MTG2: variants seen among roughly 807,000 people sequenced by gnomAD.
MTG2 encodes the protein mitochondrial ribosome associated GTPase 2.
In MTG2, 23 loss-of-function variants were observed where a neutral mutation model predicts 28.6. The observed-to-expected ratio is 0.80, with a 90% confidence interval of 0.58 to 1.14. The LOEUF (loss-of-function observed/expected upper bound fraction) is 1.14, where lower values mean the gene tolerates loss of function less well. Ranked by LOEUF, MTG2 falls within the 50% of genes most tolerant of loss-of-function variation. The pLI is 0.00. For synonymous variants in MTG2, 260 were observed against 251.8 expected (o/e 1.03, Z -0.31); for missense variants, 539 against 552.0 (o/e 0.98, Z 0.24).
chr20:62,185,656 C>CT (rs1351511372), intron 1 of MTG2, among the ~76,000 whole-genome samples: 2 of 152,032 alleles, frequency 1.3e-5, no homozygotes, highest in African/African-American at 4.8e-5. Flanking sequence ...AAAAACCTTT[C>CT]TGTGATGAGG....
chr20:62,198,046 C>T (rs564083574), intron 4 of MTG2, 79 bp downstream of exon 4: 37 of 1,284,466 alleles, frequency 2.9e-5, no homozygotes, highest in Admixed American at 2.8e-4. Flanking sequence ...GTGTGACCCA[C>T]GGGGCCCCTG....
chr20:62,184,231 G>C (rs529881383), intron 1 of MTG2, among the ~76,000 whole-genome samples: 36 of 152,142 alleles, frequency 2.4e-4, no homozygotes, highest in Admixed American at 8.5e-4. Flanking sequence ...GGTGGCAGGC[G>C]CCTGTAATCC....
Position 62,192,603 on chromosome 20 carries a change from G to A in MTG2, c.-5-813G>A, listed in dbSNP as rs530635274. ...GGCCGAAAGGTCCAGGCTTCTCATC[G>A]TGGCTTGGTCTTTATGATGACCAGC... is the stretch of plus-strand genomic sequence containing the variant. On this transcript the variant is annotated intron_variant, in intron 1 of 6. Transcript: ENST00000370823. 5.3e-5 allele frequency among the ~76,000 whole-genome samples: 8 copies of A among 152,188 alleles called. No individual in the cohort carries two copies. The East Asian group carries it at 1.5e-3, about 29-fold the overall frequency.
At chr20:62,187,955 C>T (rs78179934) in intron 1 of MTG2, among the ~76,000 whole-genome samples, 6,654 of 152,084 alleles carry the variant, frequency 0.044, 288 homozygotes, top group African/African-American at 0.11. Context: ...TCCTTCTAAA[C>T]ACTACTCTAG....
At chr20:62,184,627 G>C (rs181827348) in intron 1 of MTG2, among the ~76,000 whole-genome samples, 1 of 152,098 alleles carries the variant, frequency 6.6e-6, no homozygotes, top group African/African-American at 2.4e-5. Flanking sequence ...TCCATGTCCC[G>C]GCCTCCTGCT....
At chr20:62,191,144 G>A (rs887332819) in intron 1 of MTG2, among the ~76,000 whole-genome samples, 4 of 152,180 alleles carry the variant, frequency 2.6e-5, no homozygotes, top group South Asian at 2.1e-4. Flanking sequence ...GAATGAGGAC[G>A]TCCTGTGCAC....
chr20:62,189,736 G>A (rs2057919882), intron 1 of MTG2, among the ~76,000 whole-genome samples: 1 of 147,960 alleles, frequency 6.8e-6, no homozygotes, highest in African/African-American at 2.5e-5. Context: ...TGCAATCTCG[G>A]CTCACTGCAA....
intron 3 of MTG2, among the ~76,000 whole-genome samples, chr20:62,196,170 T>G (rs1196623368): frequency 8.0e-5 from 12 of 150,916 alleles, no homozygotes; most frequent in South Asian, 2.1e-4. Context: ...TTTTTTTGTT[T>G]TTTTTTTTTT....
chr20:62,188,367 C>G (rs1054100474), intron 1 of MTG2, among the ~76,000 whole-genome samples: 1 of 152,094 alleles, frequency 6.6e-6, no homozygotes, highest in Admixed American at 6.6e-5. Flanking sequence ...ACCACAGAAG[C>G]TCTGTCACAC....
intron 3 of MTG2, among the ~76,000 whole-genome samples, chr20:62,196,243 A>G (rs2058056458): frequency 6.6e-6 from 1 of 151,110 alleles, no homozygotes; most frequent in Admixed American, 6.6e-5. Context: ...GGTAGCGTGC[A>G]CCTGTGGTCC....
chr20:62,199,605 C>T (rs2058125980), intron 6 of MTG2, among the ~76,000 whole-genome samples: 1 of 146,326 alleles, frequency 6.8e-6, no homozygotes, highest in Non-Finnish European at 1.5e-5. Context: ...GAGATCATGC[C>T]ACTGCACTCC....
rs1452050576 is a variant in MTG2 at position 62,200,792 on chromosome 20, TTCTC to T, written c.937_940del (p.Gln314LeufsTer10). On this transcript the variant is annotated frameshift_variant, in exon 7 of 7. Transcript: ENST00000370823. LOFTEE classifies it low-confidence loss of function (END_TRUNC). ...GCTTTCTCTTGTTCGTGGTGGATCT[TTCTC>T]AGCCTGAGCCGTGGACTCAAGTTGA... 3.1e-6 allele frequency: 5 copies of T among 1,613,794 alleles called. No homozygotes were observed. Among genetic ancestry groups the T allele is most frequent in the Non-Finnish European group, 4.2e-6 (5 of 1,180,046 alleles).
Position 62,201,188 on chromosome 20 carries a change from T to G in MTG2, c.*111T>G, listed in dbSNP as rs1364605991. 7.6e-7 allele frequency: 1 copy of G among 1,309,890 alleles called. No individual in the cohort carries two copies. Among genetic ancestry groups the G allele is most frequent in the African/African-American group, 1.5e-5 (1 of 67,454 alleles). 81.1% of individuals were successfully genotyped at this position (1,309,890 alleles called of 1,614,324 possible). A position where few individuals can be genotyped will look rare whatever the true frequency, so the allele number is the denominator to read the frequency against. On this transcript the variant is annotated 3_prime_UTR_variant, in exon 7 of 7. Transcript: ENST00000370823. ...GTGGACACGGGGGAGTTGTGGTGCTTCTGGGTCTCTGGGCCCCGCCTGCTG... is the reference window on the plus strand; with the variant it reads ...GTGGACACGGGGGAGTTGTGGTGCTGCTGGGTCTCTGGGCCCCGCCTGCTG...
At chr20:62,187,085 A>G (rs772003022) in intron 1 of MTG2, among the ~76,000 whole-genome samples, 1 of 151,948 alleles carries the variant, frequency 6.6e-6, no homozygotes, top group Non-Finnish European at 1.5e-5. Context: ...GTTTGCTGAG[A>G]TGTTTTGTTT....
At position 62,201,136 on chromosome 20, in the gene MTG2, G is replaced by T. The variant is rs1004027307; in HGVS notation, c.*59G>T. On this transcript the variant is annotated 3_prime_UTR_variant, in exon 7 of 7. Transcript: ENST00000370823. The stretch of plus-strand genomic sequence containing the variant: ...TCTGAGCAAACCTGGGTGTGAATTC[G>T]GTGGTTTTGAATGCATAAAGTGCCT... The T allele has an allele frequency of 4.7e-6, 7 of 1,491,912 alleles. No homozygotes were observed. The highest frequency in any genetic ancestry group is 6.2e-6 in the Non-Finnish European group (7 of 1,127,656). 92.4% of individuals were successfully genotyped at this position (1,491,912 alleles called of 1,614,324 possible).
intron 1 of MTG2, among the ~76,000 whole-genome samples, chr20:62,192,710 G>A (rs546922148): frequency 2.0e-5 from 3 of 152,246 alleles, no homozygotes; most frequent in East Asian, 1.9e-4. Flanking sequence ...GAAGTCCAAG[G>A]GATTTAGGAG....
rs1409099505 is a variant in MTG2 at position 62,193,473 on chromosome 20, T to C, written c.53T>C (p.Val18Ala). 6.2e-7 allele frequency: 1 copy of C among 1,614,168 alleles called. No homozygotes were observed. Among genetic ancestry groups the C allele is most frequent in the East Asian group, 2.2e-5 (1 of 44,880 alleles). ...AGATTGAGGACCGTGTTTCAGGGCG[T>C]GGGGCATTGGGCTTTGTCCACATGG... ...SARLRTVFQG[V>A]GHWALSTWAG... The change falls in exon 2 of 7, where the codon GTG (valine) becomes GCG (alanine). Residue 18 changes from valine (V) to alanine (A), a missense_variant. Physicochemically the swap from Val to Ala is moderately conservative, Grantham distance 64 (BLOSUM62 0). Transcript: ENST00000370823.
At chr20:62,183,401 A>G (rs2057763690) in intron 1 of MTG2, among the ~76,000 whole-genome samples, 1 of 152,268 alleles carries the variant, frequency 6.6e-6, no homozygotes, top group African/African-American at 2.4e-5. Flanking sequence ...TTCCGAGTCA[A>G]GTTGTTAGGA....
intron 1 of MTG2, 80 bp downstream of exon 1, chr20:62,183,137 G>A (rs910585326): frequency 1.3e-5 from 2 of 152,262 alleles, no homozygotes; most frequent in African/African-American, 4.8e-5. Flanking sequence ...CCTCGGCTTG[G>A]GCCGCGGGGT....
Sources: allele counts gnomAD v4.1 joint callset (sites outside exome capture counted in the v4.1 genomes callset), GRCh38; gene constraint gnomAD v4.1.1; transcripts MANE v1.5; gene names NCBI Gene and HGNC (gene_info 2026-07-23, HGNC 2026-07-21).